Variants in PTPRG observed in about 807,000 individuals in gnomAD.
PTPRG encodes the protein receptor-type tyrosine-protein phosphatase gamma.
Under a neutral mutation model 165.3 loss-of-function variants are expected in PTPRG, and 102 were observed. The observed-to-expected ratio is 0.62, with a 90% CI of 0.53 to 0.73. The LOEUF (loss-of-function observed/expected upper bound fraction) is 0.73, where lower values mean the gene tolerates loss of function less well. Ranked by LOEUF, PTPRG falls within the 30% of genes least tolerant of loss-of-function variation. The probability of loss-of-function intolerance (pLI) is 0.00; values close to 1 mark genes in which losing one functional copy is unlikely to be tolerated. For missense variants in PTPRG, 1,866 were observed against 1,861.4 expected (o/e 1.00, Z -0.05); for synonymous variants, 675 against 669.5 (o/e 1.01, Z -0.13).
At chr3:61,596,961 G>C (rs760574071) in intron 1 of PTPRG, among the ~76,000 whole-genome samples, 3 of 152,120 alleles carry the variant, frequency 2.0e-5, no homozygotes, top group Non-Finnish European at 2.9e-5. Flanking sequence ...ATAGTGAAGA[G>C]AAATTTATTA....
At chr3:62,253,450 A>AT in intron 15 of PTPRG, among the ~76,000 whole-genome samples, 1 of 152,210 alleles carries the variant, frequency 6.6e-6, no homozygotes, top group South Asian at 2.1e-4. Flanking sequence ...CATCTCACCC[A>AT]TTTTGCCTCT....
At chr3:62,059,598 G>T (rs1351557750) in intron 4 of PTPRG, among the ~76,000 whole-genome samples, 1 of 152,218 alleles carries the variant, frequency 6.6e-6, no homozygotes, top group African/African-American at 2.4e-5. Context: ...AGCTCTCTGG[G>T]AGGCCCAGGC....
chr3:61,928,388 T>C (rs1390128510), intron 2 of PTPRG, among the ~76,000 whole-genome samples: 2 of 152,220 alleles, frequency 1.3e-5, no homozygotes, highest in African/African-American at 2.4e-5. Flanking sequence ...CCTATCACAT[T>C]TTCCAAACCA....
chr3:62,279,653 C>T (rs1035043821), intron 26 of PTPRG, among the ~76,000 whole-genome samples: 1 of 152,038 alleles, frequency 6.6e-6, no homozygotes, highest in Non-Finnish European at 1.5e-5. Flanking sequence ...TTACAGACTT[C>T]TTTTGTATAG....
chr3:61,916,265 G>A (rs935612368), intron 2 of PTPRG, among the ~76,000 whole-genome samples: 1 of 152,068 alleles, frequency 6.6e-6, no homozygotes, highest in African/African-American at 2.4e-5. Flanking sequence ...ATTTTTGGGT[G>A]TGTGTGTGTA....
At chr3:61,697,219 T>A (rs1433471753) in intron 1 of PTPRG, among the ~76,000 whole-genome samples, 1 of 152,110 alleles carries the variant, frequency 6.6e-6, no homozygotes, top group Non-Finnish European at 1.5e-5. Context: ...AAAAGAGGCA[T>A]CCTTATCACT....
Position 62,233,733 on chromosome 3 carries a change from T to C in PTPRG, c.2375+2422T>C, listed in dbSNP as rs1176256369. Among the ~76,000 whole-genome samples the C allele has an allele frequency of 2.0e-5, 3 of 152,206 alleles. No individual in the cohort carries two copies. Among genetic ancestry groups the C allele is most frequent in the African/African-American group, 7.2e-5 (3 of 41,452 alleles). On this transcript the variant is annotated intron_variant, in intron 14 of 29. Coordinates refer to ENST00000474889, the MANE Select transcript of PTPRG (RefSeq NM_002841.4). The surrounding 1 kb of genome is among the most constrained non-coding windows in gnomAD (Gnocchi z 4.7). Reference sequence around the variant, plus strand: ...GTCCCACAGCAGGAAGGAAGGAGACTGTGCCGCTAAGACGCGTTGCACAGA... The same window carrying C: ...GTCCCACAGCAGGAAGGAAGGAGACCGTGCCGCTAAGACGCGTTGCACAGA...
At chr3:62,053,065 G>T (rs561699622) in intron 4 of PTPRG, among the ~76,000 whole-genome samples, 7 of 151,808 alleles carry the variant, frequency 4.6e-5, no homozygotes, top group African/African-American at 1.7e-4. Context: ...AATAGTGTTT[G>T]ACAAAAGGAA....
rs548819260 is a variant in PTPRG at position 62,048,124 on chromosome 3, A to G, written c.520-30039A>G. ...CGTATTTAATAGAACATGTTAACAT[A>G]ATAATGCTGTTTTATGGAGAAGAGA... On this transcript the variant is annotated intron_variant, in intron 4 of 29. Transcript: ENST00000474889. Among the ~76,000 whole-genome samples, 7 of 152,292 alleles carry G rather than the reference A, an allele frequency of 4.6e-5. No homozygotes were observed. In the South Asian group the frequency reaches 1.5e-3, roughly 32 times the overall value.
chr3:62,292,375 G>C (rs770545471), intron 28 of PTPRG, 46 bp from the exon 29 acceptor site: 53 of 1,570,494 alleles, frequency 3.4e-5, no homozygotes, highest in Non-Finnish European at 4.1e-5. Context: ...AATATATTTG[G>C]TCCCTTTGTA....
chr3:61,759,044 GGTGGTGTTAGTTTCAGT>G (rs2033737747), intron 2 of PTPRG, among the ~76,000 whole-genome samples: 2 of 152,152 alleles, frequency 1.3e-5, no homozygotes, highest in Admixed American at 1.3e-4. Context: ...AGTGTAAAGT[GGTGGTGTTAGTTTCAGT>G]GTTTGGCTGA....
chr3:61,595,374 T>C (rs959936866), intron 1 of PTPRG, among the ~76,000 whole-genome samples: 2 of 152,160 alleles, frequency 1.3e-5, no homozygotes, highest in African/African-American at 4.8e-5. Flanking sequence ...GAAGTAAGAC[T>C]CTGGGGACTC....
chr3:61,651,395 A>G (rs4688651), intron 1 of PTPRG, among the ~76,000 whole-genome samples: 2 of 151,530 alleles, frequency 1.3e-5, no homozygotes, highest in Non-Finnish European at 1.5e-5. Context: ...ACAAGAAAAT[A>G]CTAGTGATAG....
At chr3:62,087,732 C>T (rs1047850361) in intron 5 of PTPRG, among the ~76,000 whole-genome samples, 8 of 152,144 alleles carry the variant, frequency 5.3e-5, no homozygotes, top group Non-Finnish European at 1.0e-4. Context: ...GTTGGGTTTT[C>T]TGTTGAAGAG....
intron 4 of PTPRG, among the ~76,000 whole-genome samples, chr3:62,005,378 T>C (rs2041271603): frequency 6.6e-6 from 1 of 152,214 alleles, no homozygotes; most frequent in African/African-American, 2.4e-5. Flanking sequence ...TGTAGGATTT[T>C]CCTTCTGGTC....
At chr3:61,670,502 T>C (rs756519055) in intron 1 of PTPRG, among the ~76,000 whole-genome samples, 2 of 152,228 alleles carry the variant, frequency 1.3e-5, no homozygotes, top group Non-Finnish European at 2.9e-5. Flanking sequence ...TTCAAAATGG[T>C]ATTGTCTGCG....
chr3:61,680,275 G>A (rs7636313), intron 1 of PTPRG, among the ~76,000 whole-genome samples: 149,387 of 152,106 alleles, frequency 0.98, 73,404 homozygotes, highest in East Asian at 1. Flanking sequence ...CCTTCAGATG[G>A]CTGGCGGTAA....
chr3:62,091,359 A>G (rs991518831), intron 5 of PTPRG, among the ~76,000 whole-genome samples: 3 of 152,218 alleles, frequency 2.0e-5, no homozygotes, highest in African/African-American at 7.2e-5. Flanking sequence ...TGTCTTTCTT[A>G]CTACTTTAAA....
chr3:62,094,809 A>C (rs545223848), intron 5 of PTPRG, among the ~76,000 whole-genome samples: 1 of 152,324 alleles, frequency 6.6e-6, no homozygotes, highest in African/African-American at 2.4e-5. Flanking sequence ...TGGACCCCTC[A>C]GCTGCTGCTG....
Sources: allele counts gnomAD v4.1 joint callset (sites outside exome capture counted in the v4.1 genomes callset), GRCh38; gene constraint gnomAD v4.1.1; non-coding constraint Gnocchi (gnomAD v3.1); transcripts MANE v1.5; gene names NCBI Gene and HGNC (gene_info 2026-07-23, HGNC 2026-07-21).